The following CPLANE1 variants were observed in gnomAD, a reference collection of about 807,000 sequenced individuals.
CPLANE1 encodes ciliogenesis and planar polarity effector complex subunit 1.
In CPLANE1, 263 loss-of-function variants were observed where a neutral mutation model predicts 362.5. That is an observed-to-expected ratio of 0.73 (90% CI 0.66 to 0.80). The LOEUF is 0.80. Ranked by LOEUF, CPLANE1 falls within the 30% of genes least tolerant of loss-of-function variation. The pLI is 0.00. For missense variants in CPLANE1, 3,461 were observed against 3,793.4 expected (o/e 0.91, Z 2.30); for synonymous variants, 1,212 against 1,302.6 (o/e 0.93, Z 1.50).
chr5:37,143,170 A>G (rs1472593752), intron 43 of CPLANE1, among the ~76,000 whole-genome samples: 1 of 152,250 alleles, frequency 6.6e-6, no homozygotes, highest in African/African-American at 2.4e-5. Context: ...ATTTTTTCCT[A>G]CTTCAACGAT....
intron 19 of CPLANE1, among the ~76,000 whole-genome samples, chr5:37,199,468 T>C (rs1252926014): frequency 6.6e-6 from 1 of 152,206 alleles, no homozygotes; most frequent in East Asian, 1.9e-4. Flanking sequence ...TTCACACTTC[T>C]ACTGTAGCTT....
chr5:37,232,302 G>A (rs1797889310), intron 8 of CPLANE1, among the ~76,000 whole-genome samples: 2 of 152,008 alleles, frequency 1.3e-5, no homozygotes, highest in South Asian at 4.1e-4. Flanking sequence ...TGGATCACGA[G>A]GTCAGGAATT....
In CPLANE1 at chr5:37,167,147, T is replaced by C; in HGVS notation, c.7300A>G (p.Thr2434Ala). ...TCACCTTGTTCAAATAAATTATGTG[T>C]TAGTTTCTGTTGGCTTTGTTTAAAC... ...IAFKQSQQKL[T>A]HNLFEQGDAG... is the part of the protein sequence containing the mutation. The change falls in exon 35 of 53, where the codon ACA becomes GCA. Residue 2434 changes from threonine to alanine, a missense_variant. Around this residue, in one of 2 missense-constraint regions of CPLANE1, gnomAD observed 3,380 missense variants for 3,666.1 expected, o/e 0.92. Transcript: ENST00000651892. 1 of 1,613,552 alleles carries C rather than the reference T, an allele frequency of 6.2e-7. No homozygotes were observed. Among genetic ancestry groups the C allele is most frequent in the African/African-American group, 1.3e-5 (1 of 75,032 alleles).
chr5:37,098,734 T>C, the CPLANE1 span, among the ~76,000 whole-genome samples: 1 of 151,196 alleles, frequency 6.6e-6, no homozygotes, highest in East Asian at 1.9e-4. Context: ...AGAGAAACTT[T>C]GGAAATGGTA....
At chr5:37,192,737 G>A (rs1302393805) in intron 21 of CPLANE1, among the ~76,000 whole-genome samples, 3 of 150,768 alleles carry the variant, frequency 2.0e-5, no homozygotes, top group Admixed American at 1.3e-4. Context: ...GGTGGCAGGC[G>A]CCTGTAGTCC....
chr5:37,140,434 T>C, intron 44 of CPLANE1: 1 of 985,200 alleles, frequency 1.0e-6, no homozygotes, highest in South Asian at 4.7e-5. Context: ...GAGCAACTAA[T>C]TCAATTTAAC....
chr5:37,086,802 A>G, the CPLANE1 span, among the ~76,000 whole-genome samples: 7 of 152,212 alleles, frequency 4.6e-5, no homozygotes, highest in Non-Finnish European at 1.0e-4. Context: ...TGGAATGACA[A>G]GCATAATATC....
In CPLANE1 at chr5:37,158,279, C is replaced by G; in HGVS notation, c.7757G>C (p.Ser2586Thr). 5 of 1,613,876 alleles carry G rather than the reference C, an allele frequency of 3.1e-6. No individual in the cohort carries two copies. Among genetic ancestry groups the G allele is most frequent in the Non-Finnish European group, 3.4e-6 (4 of 1,179,910 alleles). Residue 2586 changes from serine (S) to threonine (T), a missense_variant, in exon 39 of 53, where the codon AGT becomes ACT. Coordinates refer to ENST00000651892, the MANE Select transcript of CPLANE1 (RefSeq NM_001384732.1). ...TGACCAAGGTTTCTCTGACATTTCA[C>G]TGGAAAGCTTCAGATTTAGATAGAC... The part of the protein sequence containing the change: ...PDVYLNLKLS[S>T]EMSEKPWSPS...
Position 37,244,492 on chromosome 5 carries a change from A to G in CPLANE1, c.453T>C (p.Ser151=), listed in dbSNP as rs1274393102. 6.4e-7 allele frequency: 1 copy of G among 1,552,010 alleles called. No individual in the cohort carries two copies. The highest frequency in any genetic ancestry group is 8.7e-7 in the Non-Finnish European group (1 of 1,147,038). The change falls in exon 5 of 53, where the codon TCT becomes TCC. Residue 151 remains serine, a synonymous_variant. Transcript: ENST00000651892. ...GACCCGCCAATGAAAGGCTTTTAGA[A>G]GATAAGATATTCTTTAATTCCAAAT... ...WEYLELKNIL[S]SKSLSLAGRW...
chr5:37,171,468 T>G (rs1779764238), intron 32 of CPLANE1, among the ~76,000 whole-genome samples: 1 of 152,138 alleles, frequency 6.6e-6, no homozygotes, highest in Non-Finnish European at 1.5e-5. Flanking sequence ...GGCATCATAC[T>G]TTGAGAACCA....
At chr5:37,142,691 G>A in intron 43 of CPLANE1, 2 of 368,434 alleles carry the variant, frequency 5.4e-6, no homozygotes, top group Non-Finnish European at 9.6e-6. Flanking sequence ...ATTAGACTGA[G>A]CTGAAGTACA....
At chr5:37,180,682 A>T (rs1434353688) in intron 27 of CPLANE1, among the ~76,000 whole-genome samples, 175 bp downstream of exon 27, 1 of 152,212 alleles carries the variant, frequency 6.6e-6, no homozygotes, top group Non-Finnish European at 1.5e-5. Context: ...ACCAAGAGGG[A>T]AGAAATACAA....
intron 15 of CPLANE1, among the ~76,000 whole-genome samples, chr5:37,219,829 A>C (rs1580839751): frequency 6.6e-6 from 1 of 152,184 alleles, no homozygotes; most frequent in South Asian, 2.1e-4. Context: ...CATGTGTCAA[A>C]AGGCCCTAGA....
chr5:37,212,361 G>A (rs1297224666), intron 16 of CPLANE1: 1 of 833,428 alleles, frequency 1.2e-6, no homozygotes, highest in Non-Finnish European at 2.1e-6. Context: ...TTCTCATGAA[G>A]AACCAGATGA....
intron 47 of CPLANE1, 80 bp downstream of exon 47, chr5:37,125,164 T>C (rs1043630889): frequency 1.3e-5 from 19 of 1,472,766 alleles, no homozygotes; most frequent in South Asian, 4.1e-5. Flanking sequence ...CAAATTATGT[T>C]AATCTTTTTC....
chr5:37,110,803 CTTTT>C (rs529885756), intron 51 of CPLANE1, among the ~76,000 whole-genome samples: 6 of 125,042 alleles, frequency 4.8e-5, no homozygotes, highest in Non-Finnish European at 8.3e-5. Context: ...AATGTATTAA[CTTTT>C]TTTTTTTTTT....
chr5:37,109,561 G>A (rs962938060), intron 51 of CPLANE1, among the ~76,000 whole-genome samples: 1 of 152,158 alleles, frequency 6.6e-6, no homozygotes, highest in Non-Finnish European at 1.5e-5. Flanking sequence ...GCTTGGATGT[G>A]CAATAAACAT....
chr5:37,182,944 A>C lies in CPLANE1; in HGVS notation c.5237T>G (p.Leu1746Arg). The C allele has an allele frequency of 6.2e-7, 1 of 1,605,322 alleles. No individual in the cohort carries two copies. The highest frequency in any genetic ancestry group is 8.5e-7 in the Non-Finnish European group (1 of 1,176,348). The stretch of plus-strand genomic sequence containing the variant: ...AGACCACCTTATCATCCATTCCAGC[A>C]GTCTTCCTATACTGCCAAAAGTGTT... The part of the protein sequence containing the change: ...ALNTFGSIGR[L>R]LEWMIRWSNR... The change falls in exon 26 of 53, where the codon CTG (leucine) becomes CGG (arginine). Residue 1746 changes from leucine to arginine, a missense_variant. By Grantham distance (102) the Leu-to-Arg change is moderately radical. Around this residue, in one of 2 missense-constraint regions of CPLANE1, gnomAD observed 3,380 missense variants for 3,666.1 expected, o/e 0.92. Transcript: ENST00000651892.
At chr5:37,158,627 C>T (rs573301511) in intron 38 of CPLANE1, among the ~76,000 whole-genome samples, 1 of 152,156 alleles carries the variant, frequency 6.6e-6, no homozygotes, top group South Asian at 2.1e-4. Flanking sequence ...GCTAAAATTT[C>T]CTATTTCCGT....
Sources: allele counts gnomAD v4.1 joint callset (sites outside exome capture counted in the v4.1 genomes callset), GRCh38; gene constraint gnomAD v4.1.1; regional missense constraint gnomAD v4.1.1; transcripts MANE v1.5; gene names NCBI Gene and HGNC (gene_info 2026-07-23, HGNC 2026-07-21).